Variants in TBX18 observed in about 807,000 individuals in gnomAD.
TBX18 encodes the protein T-box transcription factor TBX18.
TBX18 carries 21 observed loss-of-function variants against 55.0 expected under a neutral mutation model. The ratio of observed to expected loss-of-function variants is 0.38; its 90% CI spans 0.27 to 0.55. TBX18 has a LOEUF of 0.55. TBX18 is among the 20% of genes least tolerant of loss of function. The probability of loss-of-function intolerance (pLI) is 0.73; values close to 1 mark genes in which losing one functional copy is unlikely to be tolerated. For synonymous variants in TBX18, 342 were observed against 326.1 expected, an observed-to-expected ratio of 1.05 and a Z score of -0.53; for missense variants, 840 against 799.6, an observed-to-expected ratio of 1.05 and a Z score of -0.61.
intron 2 of TBX18, among the ~76,000 whole-genome samples, chr6:84,760,731 T>C (rs559876382): frequency 6.6e-6 from 1 of 152,282 alleles, no homozygotes; most frequent in South Asian, 2.1e-4. Context: ...AAATACAAAA[T>C]TTGGATCTCT....
At chr6:84,741,615 G>A (rs879904361) in intron 6 of TBX18, 1 of 152,152 alleles carries the variant, frequency 6.6e-6, no homozygotes, top group Non-Finnish European at 1.5e-5. Context: ...ACAATCACAA[G>A]TCTATGTTTA....
intron 4 of TBX18, among the ~76,000 whole-genome samples, chr6:84,750,445 G>T (rs551557963): frequency 1.3e-5 from 2 of 152,220 alleles, no homozygotes; most frequent in East Asian, 1.9e-4. Context: ...GGATTCTGAG[G>T]TCTATTTACC....
chr6:84,748,773 AATTT>A (rs1767265107), intron 4 of TBX18, among the ~76,000 whole-genome samples: 1 of 152,190 alleles, frequency 6.6e-6, no homozygotes, highest in Admixed American at 6.5e-5. Flanking sequence ...CACATCTGAG[AATTT>A]ATCCTAAGGA....
intron 2 of TBX18, among the ~76,000 whole-genome samples, chr6:84,760,717 G>A (rs763134417): frequency 6.6e-6 from 1 of 152,080 alleles, no homozygotes; most frequent in African/African-American, 2.4e-5. Context: ...GTAACAAATG[G>A]TAGAAATACA....
chr6:84,759,500 C>G (rs1767588891), intron 3 of TBX18, among the ~76,000 whole-genome samples: 4 of 151,076 alleles, frequency 2.6e-5, no homozygotes, highest in Admixed American at 2.0e-4. Flanking sequence ...TTTAGCTCTT[C>G]AGAAAAATAT....
chr6:84,747,847 G>A (rs1441014831), intron 5 of TBX18, 73 bp downstream of exon 5: 2 of 1,388,714 alleles, frequency 1.4e-6, no homozygotes, highest in Non-Finnish European at 2.0e-6. Context: ...TATTTAGAGT[G>A]AGAAGGATAG....
At chr6:84,752,065 G>C (rs1767363504) in intron 4 of TBX18, among the ~76,000 whole-genome samples, 1 of 152,000 alleles carries the variant, frequency 6.6e-6, no homozygotes, top group African/African-American at 2.4e-5. Context: ...GATCTGTTTA[G>C]AATGATTATT....
chr6:84,753,888 T>C (rs1349554623), intron 4 of TBX18, among the ~76,000 whole-genome samples: 2 of 152,144 alleles, frequency 1.3e-5, no homozygotes, highest in Admixed American at 1.3e-4. Flanking sequence ...TCTCCCCACA[T>C]AGGCTAGAAA....
In TBX18 at chr6:84,734,935, A is replaced by G. The variant is rs1017241968; in HGVS notation, c.*1750T>C. The G allele has an allele frequency of 6.6e-6, 1 of 152,226 alleles. No homozygotes were observed. Among genetic ancestry groups the G allele is most frequent in the African/African-American group, 2.4e-5 (1 of 41,460 alleles). 9.4% of individuals were successfully genotyped at this position (152,226 alleles called of 1,614,324 possible). The stretch of plus-strand genomic sequence containing the variant: ...GTTTTAAATTTAAAAATTTAATACT[A>G]ATTTGATGAACTGCTAAGGAATCCA... On this transcript the variant is annotated 3_prime_UTR_variant, in exon 8 of 8. Coordinates refer to ENST00000369663, the MANE Select transcript of TBX18 (RefSeq NM_001080508.3).
At chr6:84,743,778 C>T (rs1455687264) in intron 6 of TBX18, among the ~76,000 whole-genome samples, 1 of 152,074 alleles carries the variant, frequency 6.6e-6, no homozygotes, top group African/African-American at 2.4e-5. Flanking sequence ...TCAGCAGAGC[C>T]AAGACAAATT....
At chr6:84,756,576 G>T in intron 4 of TBX18, 122 bp downstream of exon 4, 1 of 950,308 alleles carries the variant, frequency 1.1e-6, no homozygotes, top group Non-Finnish European at 1.6e-6. Context: ...CAAAGACAGT[G>T]TACATACTAA....
At chr6:84,740,270 A>G (rs1340566867) in intron 6 of TBX18, among the ~76,000 whole-genome samples, 2 of 152,166 alleles carry the variant, frequency 1.3e-5, no homozygotes, top group Non-Finnish European at 2.9e-5. Flanking sequence ...ATTTAGTGGT[A>G]AGGATACTAG....
At chr6:84,760,416 G>GC (rs1258953532) in intron 2 of TBX18, 60 bp from the exon 3 acceptor site, 1 of 1,120,312 alleles carries the variant, frequency 8.9e-7, no homozygotes, top group African/African-American at 1.6e-5. Context: ...TAAGGATGGA[G>GC]CGTGAATAAG....
Position 84,764,337 on chromosome 6 carries a change from C to T in TBX18, c.-156G>A, listed in dbSNP as rs1304539305. Reference sequence around the variant, plus strand: ...CGGGCAAAAAACAGATTTGGCGTTTCCGCTTTCTCGCTTGTGTTGGGATCC... The same window carrying T: ...CGGGCAAAAAACAGATTTGGCGTTTTCGCTTTCTCGCTTGTGTTGGGATCC... On this transcript the variant is annotated 5_prime_UTR_variant, in exon 1 of 8. Transcript: ENST00000369663. 1 of 1,094,780 alleles carries T rather than the reference C, an allele frequency of 9.1e-7. No homozygotes were observed. Among genetic ancestry groups the T allele is most frequent in the Non-Finnish European group, 1.2e-6 (1 of 824,844 alleles). 67.8% of individuals were successfully genotyped at this position (1,094,780 alleles called of 1,614,324 possible).
intron 5 of TBX18, among the ~76,000 whole-genome samples, chr6:84,744,644 C>G (rs1302686449): frequency 6.6e-6 from 1 of 152,124 alleles, no homozygotes; most frequent in Non-Finnish European, 1.5e-5. Flanking sequence ...CTATAATTGA[C>G]AATTCCCTCT....
intron 3 of TBX18, among the ~76,000 whole-genome samples, chr6:84,757,192 C>T (rs1323803742): frequency 6.6e-6 from 1 of 152,140 alleles, no homozygotes; most frequent in East Asian, 1.9e-4. Flanking sequence ...CACTTTTCTT[C>T]TGAATATTCC....
rs2127870661 is a variant in TBX18, at chr6:84,737,022, A to G, written c.1487T>C (p.Leu496Pro). ...SMQISGMSPQLQYIMPSPSSN... is the reference protein window; with the variant it reads ...SMQISGMSPQPQYIMPSPSSN... ...GGAGGGTGATGGCATGATATACTGG[A>G]GCTGGGGGGACATTCCCGAAATCTG... Residue 496 changes from leucine to proline, a missense_variant, in exon 8 of 8, where the codon CTC becomes CCC. By Grantham distance (98) the Leu-to-Pro change is moderately conservative. Transcript: ENST00000369663. 1.2e-6 allele frequency: 2 copies of G among 1,613,906 alleles called. No individual in the cohort carries two copies. Among genetic ancestry groups the G allele is most frequent in the South Asian group, 1.1e-5 (1 of 91,032 alleles).
Position 84,748,742 on chromosome 6 carries a change from C to T in TBX18, c.772-655G>A, listed in dbSNP as rs79423967. On this transcript the variant is annotated intron_variant, in intron 4 of 7. Transcript: ENST00000369663. ...GGGGAAATCTGATAATATGGTTCAA[C>T]TACCTTCTACCCAATGATTCCACAT... Among the ~76,000 whole-genome samples, 1,110 of 152,244 alleles carry T rather than the reference C, an allele frequency of 7.3e-3. 12 individuals carry two copies. The highest frequency in any genetic ancestry group is 0.026 in the African/African-American group (1,060 of 41,532).
chr6:84,733,380 G>T lies in TBX18; in HGVS notation c.*3305C>A, dbSNP rs1019701877. The T allele has an allele frequency of 6.6e-6, 1 of 152,102 alleles. No homozygotes were observed. Among genetic ancestry groups the T allele is most frequent in the Non-Finnish European group, 1.5e-5 (1 of 68,006 alleles). 9.4% of individuals were successfully genotyped at this position (152,102 alleles called of 1,614,324 possible). Reference sequence around the variant, plus strand: ...ACATGGTAATAATTTAATACAATTAGTTCTTAAGGGAAAGCTTAGAAAAAA... The same window carrying T: ...ACATGGTAATAATTTAATACAATTATTTCTTAAGGGAAAGCTTAGAAAAAA... On this transcript the variant is annotated 3_prime_UTR_variant, in exon 8 of 8. Coordinates refer to ENST00000369663, the MANE Select transcript of TBX18 (RefSeq NM_001080508.3).
Sources: allele counts gnomAD v4.1 joint callset (sites outside exome capture counted in the v4.1 genomes callset), GRCh38; gene constraint gnomAD v4.1.1; transcripts MANE v1.5; gene names NCBI Gene and HGNC (gene_info 2026-07-23, HGNC 2026-07-21).